LDLRAD4: variants seen among roughly 807,000 people sequenced by gnomAD.
LDLRAD4 encodes low density lipoprotein receptor class A domain containing 4, also known as low-density lipoprotein receptor class A domain-containing protein 4.
A neutral mutation model predicts 17.0 loss-of-function variants in LDLRAD4; 5 were observed. The observed-to-expected ratio is 0.29, with a 90% CI of 0.15 to 0.62. The LOEUF is 0.62. Ranked by LOEUF, LDLRAD4 falls within the 20% of genes least tolerant of loss-of-function variation. The pLI, the probability that LDLRAD4 is intolerant of heterozygous loss-of-function variation, is 0.84. For synonymous variants in LDLRAD4, 168 were observed against 171.8 expected (o/e 0.98, Z 0.17); for missense variants, 340 against 424.7 (o/e 0.80, Z 1.75).
At chr18:13,620,174 T>C (rs1038281469) in intron 3 of LDLRAD4, among the ~76,000 whole-genome samples, 1 of 152,154 alleles carries the variant, frequency 6.6e-6, no homozygotes, top group Admixed American at 6.5e-5. Context: ...TTGACAGATA[T>C]GCCTCCCCAC....
intron 1 of LDLRAD4, among the ~76,000 whole-genome samples, chr18:13,380,024 G>A (rs868361653): frequency 1.1e-4 from 11 of 96,368 alleles, no homozygotes; most frequent in East Asian, 3.0e-4. Context: ...GAGCCCTCAC[G>A]CCAGGCCACA....
At chr18:13,547,081 A>G (rs1568324821) in intron 3 of LDLRAD4, among the ~76,000 whole-genome samples, 1 of 152,232 alleles carries the variant, frequency 6.6e-6, no homozygotes, top group Non-Finnish European at 1.5e-5. Flanking sequence ...GTTGACAAGT[A>G]GAGCTCTTGT....
chr18:13,547,466 T>C (rs1316320362), intron 3 of LDLRAD4, among the ~76,000 whole-genome samples: 1 of 152,176 alleles, frequency 6.6e-6, no homozygotes, highest in Non-Finnish European at 1.5e-5. Flanking sequence ...TGAGTTTTGC[T>C]CAGGCCCACT....
At chr18:13,414,735 C>T (rs1015368402) in intron 2 of LDLRAD4, among the ~76,000 whole-genome samples, 5 of 152,262 alleles carry the variant, frequency 3.3e-5, no homozygotes, top group African/African-American at 9.6e-5. Context: ...GTGGGGAGCT[C>T]GAGAAGGAGA....
chr18:13,358,896 A>G (rs1333845709), intron 1 of LDLRAD4, among the ~76,000 whole-genome samples: 1 of 152,220 alleles, frequency 6.6e-6, no homozygotes, highest in Admixed American at 6.5e-5. Flanking sequence ...GAAAATTTTC[A>G]TTCTGAAACT....
At chr18:13,362,892 T>C (rs376126287) in intron 1 of LDLRAD4, among the ~76,000 whole-genome samples, 1 of 152,204 alleles carries the variant, frequency 6.6e-6, no homozygotes, top group East Asian at 1.9e-4. Context: ...AAAACTTTTT[T>C]TTTTTTCTTT....
intron 3 of LDLRAD4, among the ~76,000 whole-genome samples, chr18:13,570,878 G>A (rs571714606): frequency 6.6e-6 from 1 of 152,136 alleles, no homozygotes; most frequent in Admixed American, 6.5e-5. Flanking sequence ...GAGTGCAGTG[G>A]CATGATCACA....
At chr18:13,295,671 G>A (rs563448799) in intron 1 of LDLRAD4, among the ~76,000 whole-genome samples, 87 of 152,362 alleles carry the variant, frequency 5.7e-4, no homozygotes, top group Non-Finnish European at 1.2e-3. Context: ...AGGGGGAAAA[G>A]TAACTTTGTG....
intron 1 of LDLRAD4, among the ~76,000 whole-genome samples, chr18:13,312,393 A>G (rs2047288690): frequency 6.6e-6 from 1 of 152,214 alleles, no homozygotes; most frequent in Non-Finnish European, 1.5e-5. Flanking sequence ...TGTCCCAAGC[A>G]TTTCAAATAA....
rs28476501 is a variant in LDLRAD4, at chr18:13,618,315, C to T, written c.182-2802C>T. 1.3e-3 allele frequency among the ~76,000 whole-genome samples: 200 copies of T among 152,328 alleles called. 1 individual carries two copies. Among genetic ancestry groups the T allele is most frequent in the African/African-American group, 4.7e-3 (195 of 41,586 alleles). On this transcript the variant is annotated intron_variant, in intron 3 of 5. Coordinates refer to ENST00000359446, the Ensembl canonical transcript of LDLRAD4. Reference sequence around the variant, plus strand: ...GGCTTTCCCCCGGGACGGAGTGGGGCTTGGTGGAGTCAGGGGCGCTGTGGG... The same window carrying T: ...GGCTTTCCCCCGGGACGGAGTGGGGTTTGGTGGAGTCAGGGGCGCTGTGGG...
Position 13,440,839 on chromosome 18 carries a change from G to A in LDLRAD4, c.181+2455G>A, listed in dbSNP as rs550252352. ...GTTTATCTGTAATGTCAGAGCCATT[G>A]TGTACACGGAGCAGGAATTCACGGG... On this transcript the variant is annotated intron_variant, in intron 3 of 5. Coordinates refer to ENST00000359446, the Ensembl canonical transcript of LDLRAD4. This position sits in a 1 kb window ranked among gnomAD's most constrained non-coding sequence, Gnocchi z 4.4. Among the ~76,000 whole-genome samples, 1 of 152,336 alleles carries A rather than the reference G, an allele frequency of 6.6e-6. No homozygotes were observed. Among genetic ancestry groups the A allele is most frequent in the Admixed American group, 6.5e-5 (1 of 15,306 alleles).
intron 1 of LDLRAD4, among the ~76,000 whole-genome samples, chr18:13,320,919 C>G (rs550131387): frequency 6.6e-6 from 1 of 152,174 alleles, no homozygotes; most frequent in Non-Finnish European, 1.5e-5. Context: ...GGCTCCTCTC[C>G]GTGACTGGAC....
intron 1 of LDLRAD4, among the ~76,000 whole-genome samples, chr18:13,344,507 C>T (rs2082565474): frequency 6.6e-6 from 1 of 152,222 alleles, no homozygotes; most frequent in South Asian, 2.1e-4. Context: ...AGTTTGAAGT[C>T]AGGTAGCATG....
At chr18:13,418,485 G>C (rs1600118390) in intron 2 of LDLRAD4, among the ~76,000 whole-genome samples, 1 of 152,230 alleles carries the variant, frequency 6.6e-6, no homozygotes, top group Admixed American at 6.5e-5. Context: ...GAAGACTCTG[G>C]TTGTGTTTTC....
intron 3 of LDLRAD4, among the ~76,000 whole-genome samples, chr18:13,580,361 C>T (rs2094839537): frequency 6.6e-6 from 1 of 152,252 alleles, no homozygotes; most frequent in African/African-American, 2.4e-5. Flanking sequence ...TTCGTCATCT[C>T]AAATCCTTTG....
intron 3 of LDLRAD4, among the ~76,000 whole-genome samples, chr18:13,519,556 T>C (rs1463905899): frequency 6.6e-6 from 1 of 151,994 alleles, no homozygotes; most frequent in East Asian, 1.9e-4. Context: ...AGCTCAGGAG[T>C]TCGAGACCAG....
In LDLRAD4 at chr18:13,621,378, G is replaced by A. The variant is rs777631006; in HGVS notation, c.336+107G>A. ...TGCTTTCAGTTGACATGTAACAAAC[G>A]GGGCGAAGCGCACCTCGTAAGTGTT... On this transcript the variant is annotated intron_variant, in intron 4 of 5. Coordinates refer to ENST00000359446, the Ensembl canonical transcript of LDLRAD4. The surrounding 1 kb of genome is among the most constrained non-coding windows in gnomAD (Gnocchi z 5.5). The A allele has an allele frequency of 1.3e-4, 105 of 805,002 alleles. 3 individuals carry two copies. The South Asian group carries it at 1.3e-3, about 10-fold the overall frequency. The allele number at this position is 805,002 out of a possible 1,614,324, so 49.9% of individuals were successfully genotyped here.
At chr18:13,576,125 T>G (rs190983158) in intron 3 of LDLRAD4, among the ~76,000 whole-genome samples, 44 of 152,242 alleles carry the variant, frequency 2.9e-4, no homozygotes, top group Non-Finnish European at 5.3e-4. Flanking sequence ...ATTACAAACA[T>G]CAAGAAAGTG....
chr18:13,642,413 C>T (rs1568445966), intron 4 of LDLRAD4: 6 of 1,122,264 alleles, frequency 5.3e-6, no homozygotes, highest in Non-Finnish European at 6.5e-6. Context: ...TTTCCCAGCA[C>T]GCGTGGGGCC....
Sources: allele counts gnomAD v4.1 joint callset (sites outside exome capture counted in the v4.1 genomes callset), GRCh38; gene constraint gnomAD v4.1.1; non-coding constraint Gnocchi (gnomAD v3.1); transcripts MANE v1.5; gene names NCBI Gene and HGNC (gene_info 2026-07-23, HGNC 2026-07-21).